LRRTM4: variants seen among roughly 807,000 people sequenced by gnomAD.
LRRTM4 encodes the protein leucine-rich repeat transmembrane neuronal protein 4.
In LRRTM4, 25 loss-of-function variants were observed where a neutral mutation model predicts 47.6. The observed-to-expected ratio is 0.53, with a 90% CI of 0.38 to 0.73. The LOEUF is 0.73. Ranked by LOEUF, LRRTM4 falls within the 30% of genes least tolerant of loss-of-function variation. LRRTM4 has a pLI of 0.00. For missense variants in LRRTM4, 638 were observed against 713.4 expected (o/e 0.89, Z 1.20); for synonymous variants, 311 against 269.5 (o/e 1.15, Z -1.51).
intron 3 of LRRTM4, among the ~76,000 whole-genome samples, chr2:76,988,371 C>A (rs13388459): frequency 6.6e-6 from 1 of 151,598 alleles, no homozygotes; most frequent in Non-Finnish European, 1.5e-5. Context: ...AAACCTAAAT[C>A]GGGGCATTGA....
chr2:76,950,374 A>C (rs1205101602), intron 3 of LRRTM4, among the ~76,000 whole-genome samples: 1 of 151,964 alleles, frequency 6.6e-6, no homozygotes, highest in African/African-American at 2.4e-5. Context: ...CCTCACTCAC[A>C]CTTATGCATC....
intron 3 of LRRTM4, among the ~76,000 whole-genome samples, chr2:77,050,227 TCAG>T (rs1679385229): frequency 6.8e-6 from 1 of 147,788 alleles, no homozygotes; most frequent in African/African-American, 2.5e-5. Context: ...TCTTGTGAAA[TCAG>T]CAGATCTGGG....
chr2:77,255,839 C>G, intron 3 of LRRTM4, among the ~76,000 whole-genome samples: 1 of 151,894 alleles, frequency 6.6e-6, no homozygotes, highest in Admixed American at 6.6e-5. Context: ...AGTCAGCAAT[C>G]TAAATTCCCA....
At chr2:76,781,261 T>G (rs1049772217) in intron 3 of LRRTM4, among the ~76,000 whole-genome samples, 1 of 152,258 alleles carries the variant, frequency 6.6e-6, no homozygotes, top group Non-Finnish European at 1.5e-5. Context: ...CAGGCCTCCT[T>G]GAGCTGTGGT....
chr2:76,966,091 A>G (rs1189221899), intron 3 of LRRTM4, among the ~76,000 whole-genome samples: 1 of 151,540 alleles, frequency 6.6e-6, no homozygotes, highest in African/African-American at 2.4e-5. Context: ...AGGATAGACA[A>G]AGGATTTTAA....
intron 3 of LRRTM4, among the ~76,000 whole-genome samples, chr2:77,296,011 C>T (rs966442723): frequency 6.6e-6 from 1 of 152,108 alleles, no homozygotes; most frequent in Admixed American, 6.6e-5. Flanking sequence ...TATTGTTTTA[C>T]AAATTCTACA....
intron 3 of LRRTM4, among the ~76,000 whole-genome samples, chr2:77,296,223 C>A (rs1326947074): frequency 1.3e-5 from 2 of 152,160 alleles, no homozygotes; most frequent in African/African-American, 4.8e-5. Flanking sequence ...TTTTCCCCAA[C>A]ACTAAATATA....
At chr2:76,945,851 T>C (rs1675306319) in intron 3 of LRRTM4, among the ~76,000 whole-genome samples, 1 of 151,944 alleles carries the variant, frequency 6.6e-6, no homozygotes, top group African/African-American at 2.4e-5. Flanking sequence ...GTTTATGACT[T>C]AAAATTCATT....
intron 3 of LRRTM4, among the ~76,000 whole-genome samples, chr2:77,066,787 CAG>C (rs1679969966): frequency 1.3e-5 from 2 of 152,136 alleles, no homozygotes; most frequent in Admixed American, 6.5e-5. Flanking sequence ...TTTTATAAAA[CAG>C]AAATTAAAGA....
intron 3 of LRRTM4, among the ~76,000 whole-genome samples, chr2:76,992,828 G>GAA (rs71376812): frequency 1.2e-5 from 1 of 86,034 alleles, no homozygotes; most frequent in East Asian, 3.9e-4. Context: ...AAATCCTGAG[G>GAA]AAAAAAAAAA....
At chr2:77,001,196 A>G (rs992311972) in intron 3 of LRRTM4, among the ~76,000 whole-genome samples, 5 of 151,952 alleles carry the variant, frequency 3.3e-5, no homozygotes, top group African/African-American at 9.7e-5. Flanking sequence ...AGAAACCTGT[A>G]CCAGCCCTCC....
At chr2:76,865,864 T>C (rs746529889) in intron 3 of LRRTM4, among the ~76,000 whole-genome samples, 3 of 152,198 alleles carry the variant, frequency 2.0e-5, no homozygotes, top group Admixed American at 6.5e-5. Context: ...AGTGAGAAAC[T>C]AAAGCACACT....
chr2:77,161,709 T>G (rs1478959721), intron 3 of LRRTM4, among the ~76,000 whole-genome samples: 1 of 152,184 alleles, frequency 6.6e-6, no homozygotes, highest in Non-Finnish European at 1.5e-5. Context: ...TGGTCAACTG[T>G]GAAATTTTTT....
At chr2:76,993,266 G>C (rs1677077174) in intron 3 of LRRTM4, among the ~76,000 whole-genome samples, 1 of 151,768 alleles carries the variant, frequency 6.6e-6, no homozygotes, top group Non-Finnish European at 1.5e-5. Flanking sequence ...CAAAAATTGA[G>C]AAGTAGGGAC....
chr2:77,013,651 G>A (rs1677954969), intron 3 of LRRTM4, among the ~76,000 whole-genome samples: 1 of 152,120 alleles, frequency 6.6e-6, no homozygotes. Context: ...GAAGCAACAA[G>A]GGCAGAAATC....
intron 3 of LRRTM4, among the ~76,000 whole-genome samples, chr2:77,404,293 C>T (rs1674079319): frequency 6.6e-6 from 1 of 151,998 alleles, no homozygotes; most frequent in Admixed American, 6.6e-5. Flanking sequence ...AGGGAAAAAG[C>T]ACACTCTTCT....
At chr2:77,512,016 G>C (rs939337225) in intron 3 of LRRTM4, among the ~76,000 whole-genome samples, 1 of 152,088 alleles carries the variant, frequency 6.6e-6, no homozygotes, top group Non-Finnish European at 1.5e-5. Flanking sequence ...GCTATTCATA[G>C]GCTCAAACAT....
At chr2:77,412,551 G>T (rs1674484946) in intron 3 of LRRTM4, among the ~76,000 whole-genome samples, 1 of 152,146 alleles carries the variant, frequency 6.6e-6, no homozygotes, top group African/African-American at 2.4e-5. Context: ...AGGAAATGCG[G>T]CTGCTTGGAA....
At chr2:77,246,980 C>T (rs1675465692) in intron 3 of LRRTM4, among the ~76,000 whole-genome samples, 1 of 151,854 alleles carries the variant, frequency 6.6e-6, no homozygotes, top group South Asian at 2.1e-4. Context: ...AATGTGTTTG[C>T]AAAAATGTTT....
Sources: allele counts gnomAD v4.1 joint callset (sites outside exome capture counted in the v4.1 genomes callset), GRCh38; gene constraint gnomAD v4.1.1; transcripts MANE v1.5; gene names NCBI Gene and HGNC (gene_info 2026-07-23, HGNC 2026-07-21).